The following APBB2 variants were observed in gnomAD, a reference collection of about 807,000 sequenced individuals.
The protein encoded by APBB2 is amyloid beta precursor protein binding family B member 2, also known as Fe65-like 1.
Under a neutral mutation model 82.5 loss-of-function variants are expected in APBB2, and 38 were observed. That is an observed-to-expected ratio of 0.46 (90% CI 0.36 to 0.60). The LOEUF (loss-of-function observed/expected upper bound fraction) is 0.60. Ranked by LOEUF, APBB2 falls within the 20% of genes least tolerant of loss-of-function variation. The pLI is 0.00. For synonymous variants in APBB2, 341 were observed against 368.2 expected (o/e 0.93, Z 0.85); for missense variants, 772 against 972.3 (o/e 0.79, Z 2.74).
At position 40,968,464 on chromosome 4, in the gene APBB2, A is replaced by C. The variant is rs142125143; in HGVS notation, c.836-23391T>G. Reference sequence around the variant, plus strand: ...TTCCTCTAATCATACTACAGCTATTAATTTCTCATGAACATCCATTTCAAC... The same window carrying C: ...TTCCTCTAATCATACTACAGCTATTCATTTCTCATGAACATCCATTTCAAC... On this transcript the variant is annotated intron_variant, in intron 6 of 17. Transcript: ENST00000508593. Among the ~76,000 whole-genome samples the C allele has an allele frequency of 2.3e-3, 348 of 152,128 alleles. 1 individual carries two copies. The highest frequency in any genetic ancestry group is 7.8e-3 in the African/African-American group (325 of 41,468).
intron 2 of APBB2, chr4:41,113,798 G>A (rs1444826874): frequency 6.6e-6 from 1 of 152,092 alleles, no homozygotes; most frequent in Non-Finnish European, 1.5e-5. Context: ...GGGTTAAAAT[G>A]TCATGACAGG....
At position 40,832,528 on chromosome 4, in the gene APBB2, A is replaced by G. The variant is rs1034535925; in HGVS notation, c.1530-1951T>C. On this transcript the variant is annotated intron_variant, in intron 12 of 17. Coordinates refer to ENST00000508593, the MANE Select transcript of APBB2 (RefSeq NM_004307.2). This position sits in a 1 kb window ranked among gnomAD's most constrained non-coding sequence, Gnocchi z 4.8. ...GGACTCCCCCTGCCTCACGTGCCAC[A>G]CCCAATCCCCACATTCGTCCTGTTT... 6.6e-6 allele frequency among the ~76,000 whole-genome samples: 1 copy of G among 152,080 alleles called. No homozygotes were observed. Among genetic ancestry groups the G allele is most frequent in the African/African-American group, 2.4e-5 (1 of 41,392 alleles).
chr4:40,957,413 G>A (rs1408944055), intron 6 of APBB2, among the ~76,000 whole-genome samples: 1 of 151,400 alleles, frequency 6.6e-6, no homozygotes, highest in African/African-American at 2.5e-5. Context: ...TGTATCATGT[G>A]AGAACACACT....
intron 7 of APBB2, among the ~76,000 whole-genome samples, chr4:40,943,879 G>C (rs1019174835): frequency 6.6e-6 from 1 of 152,160 alleles, no homozygotes; most frequent in Non-Finnish European, 1.5e-5. Context: ...GTAAATGAGA[G>C]GCCAAAGCCC....
At chr4:40,936,505 C>T (rs1390294062) in intron 7 of APBB2, among the ~76,000 whole-genome samples, 1 of 152,226 alleles carries the variant, frequency 6.6e-6, no homozygotes, top group Non-Finnish European at 1.5e-5. Context: ...GATCCTCCCA[C>T]TTAGGCCTTC....
intron 10 of APBB2, among the ~76,000 whole-genome samples, chr4:40,894,113 A>G (rs951765134): frequency 2.4e-4 from 36 of 151,062 alleles, no homozygotes; most frequent in African/African-American, 8.3e-4. Context: ...ACGGTGAAGC[A>G]CCGTCTCTAC....
intron 4 of APBB2, among the ~76,000 whole-genome samples, chr4:41,048,340 T>C (rs886789130): frequency 6.6e-6 from 1 of 152,140 alleles, no homozygotes; most frequent in African/African-American, 2.4e-5. Context: ...AAATCCAAAA[T>C]ACTTCTGGTC....
intron 2 of APBB2, among the ~76,000 whole-genome samples, chr4:41,113,584 C>T (rs1045113073): frequency 6.6e-6 from 1 of 152,104 alleles, no homozygotes; most frequent in Non-Finnish European, 1.5e-5. Context: ...GTATTTAATA[C>T]AATACACAGC....
chr4:41,121,761 C>T (rs1752897346), intron 2 of APBB2, among the ~76,000 whole-genome samples: 1 of 152,166 alleles, frequency 6.6e-6, no homozygotes, highest in Non-Finnish European at 1.5e-5. Flanking sequence ...CTCCCTCACC[C>T]CTCAGGCCTA....
chr4:41,160,823 A>G (rs1390726747), intron 1 of APBB2, among the ~76,000 whole-genome samples: 2 of 152,208 alleles, frequency 1.3e-5, no homozygotes, highest in Admixed American at 1.3e-4. Context: ...AATCAAACTA[A>G]TAAAGCCAAT....
chr4:40,969,295 AC>A (rs879786825), intron 6 of APBB2, among the ~76,000 whole-genome samples: 4 of 152,234 alleles, frequency 2.6e-5, no homozygotes, highest in Non-Finnish European at 5.9e-5. Context: ...CCCTGAAGTT[AC>A]ATGTGTGAGA....
rs1327738462 is a variant in APBB2 at position 41,073,476 on chromosome 4, CTT to C, written c.-148-7805_-148-7804del. 3.3e-5 allele frequency among the ~76,000 whole-genome samples: 5 copies of C among 152,296 alleles called. 1 individual carries two copies. The highest frequency in any genetic ancestry group is 1.9e-4 in the East Asian group (1 of 5,182). ...ATTTCCCTTAAATTTCTTCTATTCT[CTT>C]TGTTTCTTGCCTTACTTTCAGAAAT... On this transcript the variant is annotated intron_variant, in intron 3 of 17. Transcript: ENST00000508593.
intron 1 of APBB2, among the ~76,000 whole-genome samples, 159 bp from the exon 2 acceptor site, chr4:41,143,301 T>C (rs1315233165): frequency 6.6e-6 from 1 of 152,218 alleles, no homozygotes; most frequent in Non-Finnish European, 1.5e-5. Flanking sequence ...TAAAGACAAG[T>C]GTGGGCTATT....
intron 4 of APBB2, among the ~76,000 whole-genome samples, chr4:41,054,222 G>A (rs1727050769): frequency 6.6e-6 from 1 of 152,164 alleles, no homozygotes; most frequent in African/African-American, 2.4e-5. Flanking sequence ...AAGCAAGGGA[G>A]GGTACTGACA....
chr4:40,857,117 T>A, intron 12 of APBB2: 15 of 985,270 alleles, frequency 1.5e-5, no homozygotes, highest in Non-Finnish European at 1.7e-5. Context: ...AGCGGTGCCG[T>A]CGCTCAAGCA....
At chr4:40,845,587 T>TAAAAAAAAAAAA (rs1757236501) in intron 12 of APBB2, among the ~76,000 whole-genome samples, 1 of 8,018 alleles carries the variant, frequency 1.2e-4, no homozygotes, top group South Asian at 3.2e-3. Flanking sequence ...AGGAAATTCC[T>TAAAAAAAAAAAA]CAAAAAAAAA....
chr4:40,867,255 T>C (rs950360037), intron 12 of APBB2, among the ~76,000 whole-genome samples: 8 of 152,196 alleles, frequency 5.3e-5, no homozygotes, highest in African/African-American at 1.9e-4. Context: ...ACTGACTCCT[T>C]CTCCAGCAGA....
intron 6 of APBB2, among the ~76,000 whole-genome samples, chr4:40,978,071 G>A (rs183508928): frequency 1.2e-3 from 181 of 152,280 alleles, no homozygotes; most frequent in Non-Finnish European, 1.0e-3. Flanking sequence ...TGGAAGAAAG[G>A]GTGGCCAGAA....
intron 12 of APBB2, among the ~76,000 whole-genome samples, chr4:40,864,407 G>C (rs538509370): frequency 6.6e-5 from 10 of 152,230 alleles, no homozygotes; most frequent in African/African-American, 2.4e-4. Context: ...TTGCACTCAC[G>C]TAAGGATGTG....
Sources: allele counts gnomAD v4.1 joint callset (sites outside exome capture counted in the v4.1 genomes callset), GRCh38; gene constraint gnomAD v4.1.1; non-coding constraint Gnocchi (gnomAD v3.1); transcripts MANE v1.5; gene names NCBI Gene and HGNC (gene_info 2026-07-23, HGNC 2026-07-21).